The following WDR72 variants were observed in gnomAD, a reference collection of about 807,000 sequenced individuals.
WDR72 encodes the protein WD repeat-containing protein 72.
In WDR72, 120 loss-of-function variants were observed where a neutral mutation model predicts 124.2. The ratio of observed to expected loss-of-function variants is 0.97; its 90% CI spans 0.83 to 1.12. The LOEUF (loss-of-function observed/expected upper bound fraction) is 1.12. Among genes scored for constraint, WDR72 ranks in the 50% most tolerant of loss-of-function variants. The pLI is 0.00. For synonymous variants in WDR72, 452 were observed against 441.7 expected (o/e 1.02, Z -0.29); for missense variants, 1,387 against 1,278.8 (o/e 1.08, Z -1.29).
chr15:53,675,614 T>G (rs2016145011), intron 13 of WDR72, among the ~76,000 whole-genome samples: 1 of 152,214 alleles, frequency 6.6e-6, no homozygotes, highest in Non-Finnish European at 1.5e-5. Flanking sequence ...TTTTAAAATA[T>G]TTCAAAAGTA....
chr15:53,716,725 A>G (rs1234200782), intron 3 of WDR72, 40 bp from the exon 4 acceptor site: 2 of 1,454,646 alleles, frequency 1.4e-6, no homozygotes, highest in African/African-American at 2.8e-5. Context: ...TGTCATTTCC[A>G]CTCAATTGGC....
intron 3 of WDR72, among the ~76,000 whole-genome samples, chr15:53,720,402 T>C (rs1567047818): frequency 6.6e-6 from 1 of 152,220 alleles, no homozygotes; most frequent in African/African-American, 2.4e-5. Flanking sequence ...TCTGCAGCTT[T>C]GCTGGGTTTT....
chr15:53,757,526 G>A (rs1383716359), intron 1 of WDR72, among the ~76,000 whole-genome samples: 1 of 152,042 alleles, frequency 6.6e-6, no homozygotes, highest in African/African-American at 2.4e-5. Flanking sequence ...GAGAGGCTGA[G>A]GCAGGAGAAT....
At chr15:53,570,248 T>A (rs1382076329) in intron 18 of WDR72, among the ~76,000 whole-genome samples, 1 of 133,812 alleles carries the variant, frequency 7.5e-6, no homozygotes, top group Non-Finnish European at 1.6e-5. Context: ...AACATATGTA[T>A]TACCTCATAT....
At chr15:53,755,275 CCCAGT>C (rs1323439043) in intron 1 of WDR72, among the ~76,000 whole-genome samples, 6 of 152,152 alleles carry the variant, frequency 3.9e-5, no homozygotes, top group African/African-American at 1.2e-4. Context: ...ATGCTTACAT[CCCAGT>C]TCCTCAACAA....
intron 13 of WDR72, among the ~76,000 whole-genome samples, chr15:53,669,159 G>A (rs542876005): frequency 1.9e-4 from 29 of 151,992 alleles, no homozygotes; most frequent in African/African-American, 6.8e-4. Context: ...ACATGACGGC[G>A]GGGCTAGCAG....
intron 3 of WDR72, among the ~76,000 whole-genome samples, chr15:53,719,983 T>A (rs2017827579): frequency 6.6e-6 from 1 of 152,114 alleles, no homozygotes; most frequent in Non-Finnish European, 1.5e-5. Flanking sequence ...TATACATATA[T>A]AAAAATAATA....
At chr15:53,598,093 C>A (rs1370673397) in intron 17 of WDR72, among the ~76,000 whole-genome samples, 3 of 152,088 alleles carry the variant, frequency 2.0e-5, no homozygotes, top group African/African-American at 7.2e-5. Context: ...CAAGGTCTAG[C>A]AGTTAGGTAC....
At position 53,733,179 on chromosome 15, in the gene WDR72, G is replaced by A. The variant is rs1289790402; in HGVS notation, c.-12-18C>T. 5 of 1,612,968 alleles carry A rather than the reference G, an allele frequency of 3.1e-6. No homozygotes were observed. The highest frequency in any genetic ancestry group is 3.3e-5 in the Admixed American group (2 of 59,954). On this transcript the variant is annotated intron_variant, in intron 1 of 19. Transcript: ENST00000360509. ...GGCGAATCCTGACATACAAAGAAGG[G>A]AAGAAGCATACATGGTCATCTTTTT...
intron 18 of WDR72, among the ~76,000 whole-genome samples, chr15:53,525,445 A>C (rs1237521622): frequency 6.6e-6 from 1 of 152,078 alleles, no homozygotes; most frequent in Non-Finnish European, 1.5e-5. Context: ...AATTTAAAAA[A>C]TTCCTCCATT....
intron 18 of WDR72, among the ~76,000 whole-genome samples, chr15:53,555,634 C>T (rs1442280949): frequency 6.6e-6 from 1 of 152,026 alleles, no homozygotes; most frequent in Admixed American, 6.6e-5. Flanking sequence ...TTATATTTCA[C>T]TCGACTCTCC....
At chr15:53,575,693 G>A (rs1894728656) in intron 18 of WDR72, among the ~76,000 whole-genome samples, 1 of 152,156 alleles carries the variant, frequency 6.6e-6, no homozygotes, top group African/African-American at 2.4e-5. Flanking sequence ...GATCATGTGT[G>A]TAAAGCACAC....
At chr15:53,667,688 T>G (rs2015827629) in intron 13 of WDR72, among the ~76,000 whole-genome samples, 1 of 152,236 alleles carries the variant, frequency 6.6e-6, no homozygotes, top group Non-Finnish European at 1.5e-5. Flanking sequence ...GGTATCATCC[T>G]GGATATTTTC....
At chr15:53,672,362 G>A (rs1341907397) in intron 13 of WDR72, among the ~76,000 whole-genome samples, 8 of 149,670 alleles carry the variant, frequency 5.3e-5, no homozygotes, top group Admixed American at 2.0e-4. Flanking sequence ...GCTGTTTCAG[G>A]AGACGAGCAT....
At chr15:53,624,909 A>G (rs2014144363) in intron 14 of WDR72, among the ~76,000 whole-genome samples, 1 of 152,158 alleles carries the variant, frequency 6.6e-6, no homozygotes, top group Non-Finnish European at 1.5e-5. Flanking sequence ...TGCCCATAAT[A>G]TATATTTTCT....
At chr15:53,626,799 T>A (rs980221350) in intron 14 of WDR72, among the ~76,000 whole-genome samples, 22 of 152,178 alleles carry the variant, frequency 1.4e-4, no homozygotes, top group African/African-American at 5.3e-4. Flanking sequence ...GTGGTCACCA[T>A]CCCAGCTAGG....
At chr15:53,729,321 C>T (rs879857158) in intron 2 of WDR72, among the ~76,000 whole-genome samples, 1 of 152,154 alleles carries the variant, frequency 6.6e-6, no homozygotes, top group Non-Finnish European at 1.5e-5. Flanking sequence ...TCCCTGATGT[C>T]AGCTCCCCCT....
At chr15:53,662,413 C>T (rs2015639006) in intron 14 of WDR72, among the ~76,000 whole-genome samples, 1 of 152,114 alleles carries the variant, frequency 6.6e-6, no homozygotes, top group African/African-American at 2.4e-5. Context: ...AAAAGAAATA[C>T]AGCATTCTAA....
chr15:53,628,893 A>C (rs80228749), intron 14 of WDR72, among the ~76,000 whole-genome samples: 1 of 152,130 alleles, frequency 6.6e-6, no homozygotes, highest in South Asian at 2.1e-4. Context: ...ACGGGAAGAA[A>C]CACAAAGTGC....
Sources: gnomAD v4.1 joint callset for allele counts (sites outside exome capture counted in the v4.1 genomes callset) on GRCh38, gnomAD v4.1.1 for gene constraint, MANE v1.5 for transcripts, NCBI Gene and HGNC (gene_info 2026-07-23, HGNC 2026-07-21) for gene names.